EPN2: variants seen among roughly 807,000 people sequenced by gnomAD.
EPN2 encodes epsin 2, also known as epsin-2.
EPN2 carries 34 observed loss-of-function variants against 61.7 expected under a neutral mutation model. That is an observed-to-expected ratio of 0.55 (90% CI 0.42 to 0.73). The LOEUF (loss-of-function observed/expected upper bound fraction) is 0.73. Among genes scored for constraint, EPN2 ranks in the 30% least tolerant of loss-of-function variants. EPN2 has a pLI of 0.00. For missense variants in EPN2, 714 were observed against 839.2 expected, an observed-to-expected ratio of 0.85 and a Z score of 1.84; for synonymous variants, 349 against 353.6, an observed-to-expected ratio of 0.99 and a Z score of 0.15.
At chr17:19,242,771 A>G (rs1465992561) in intron 1 of EPN2, among the ~76,000 whole-genome samples, 1 of 152,242 alleles carries the variant, frequency 6.6e-6, no homozygotes, top group African/African-American at 2.4e-5. Flanking sequence ...GAACAGGGAA[A>G]AGTAGGCTCA....
chr17:19,291,437 T>A (rs2045463940), intron 4 of EPN2, among the ~76,000 whole-genome samples: 1 of 141,900 alleles, frequency 7.0e-6, no homozygotes, highest in African/African-American at 2.6e-5. Flanking sequence ...ATTTTTTTTT[T>A]TTTTTTTTTT....
intron 7 of EPN2, among the ~76,000 whole-genome samples, chr17:19,317,971 G>A (rs542368855): frequency 6.6e-6 from 1 of 152,342 alleles, no homozygotes; most frequent in African/African-American, 2.4e-5. Flanking sequence ...CCCGCACACA[G>A]CAAAGAAGGA....
intron 4 of EPN2, among the ~76,000 whole-genome samples, chr17:19,305,000 C>T (rs1258595889): frequency 6.6e-5 from 10 of 152,236 alleles, no homozygotes; most frequent in Non-Finnish European, 1.5e-5. Context: ...CCTCACCCTG[C>T]CTTCTCCACA....
intron 7 of EPN2, among the ~76,000 whole-genome samples, chr17:19,326,425 G>A (rs552988876): frequency 6.6e-6 from 1 of 152,218 alleles, no homozygotes; most frequent in East Asian, 1.9e-4. Flanking sequence ...GGTGGCTCAC[G>A]CCTGTAATCC....
rs374260595 is a variant in EPN2 at position 19,247,406 on chromosome 17, A to G, written c.-294+9875A>G. On this transcript the variant is annotated intron_variant, in intron 1 of 10. Transcript: ENST00000314728. Reference sequence around the variant, plus strand: ...ATTTTGATTCTTTGTCAGGGGGTCAAGAATGGAGAAAAAATTTAGAAGTCA... The same window carrying G: ...ATTTTGATTCTTTGTCAGGGGGTCAGGAATGGAGAAAAAATTTAGAAGTCA... 1.3e-3 allele frequency among the ~76,000 whole-genome samples: 200 copies of G among 152,366 alleles called. 3 individuals carry two copies. The South Asian group carries it at 0.04, about 31-fold the overall frequency.
At chr17:19,264,418 A>C (rs1244255029) in intron 1 of EPN2, among the ~76,000 whole-genome samples, 1 of 152,180 alleles carries the variant, frequency 6.6e-6, no homozygotes, top group East Asian at 1.9e-4. Flanking sequence ...CGTCAAAAGC[A>C]TGTGAGGCAT....
chr17:19,306,978 G>A (rs1475508421), intron 4 of EPN2, among the ~76,000 whole-genome samples: 1 of 152,118 alleles, frequency 6.6e-6, no homozygotes, highest in Non-Finnish European at 1.5e-5. Context: ...GGGTGTGAGT[G>A]CCCTGTTCAC....
Position 19,310,571 on chromosome 17 carries a change from C to CTTTTTTTTTTTTTTTTTTTTT in EPN2, c.879+578_879+598dup, listed in dbSNP as rs71155391. 4.9e-5 allele frequency among the ~76,000 whole-genome samples: 4 copies of CTTTTTTTTTTTTTTTTTTTTT among 80,912 alleles called. 1 individual carries two copies. Among genetic ancestry groups the CTTTTTTTTTTTTTTTTTTTTT allele is most frequent in the Admixed American group, 1.9e-4 (1 of 5,290 alleles). The allele number at this position is 80,912 out of a possible 152,430, so 53.1% of individuals were successfully genotyped here. ...TTTCTTTCTCTCTTTCTCCTTCTTT[C>CTTTTTTTTTTTTTTTTTTTTT]TTTTTTTTTTTTTTTTTTTTTTTTG... is the stretch of plus-strand genomic sequence containing the variant. On this transcript the variant is annotated intron_variant, in intron 5 of 10. Transcript: ENST00000314728.
At chr17:19,318,431 C>A (rs1481775960) in intron 7 of EPN2, among the ~76,000 whole-genome samples, 1 of 151,284 alleles carries the variant, frequency 6.6e-6, no homozygotes, top group Non-Finnish European at 1.5e-5. Flanking sequence ...CACTTGTAAT[C>A]CCAGCTACTT....
At chr17:19,286,105 C>T (rs1258422110) in intron 4 of EPN2, among the ~76,000 whole-genome samples, 1 of 152,242 alleles carries the variant, frequency 6.6e-6, no homozygotes, top group African/African-American at 2.4e-5. Context: ...GGAGGGGGCT[C>T]TGCCACCTAT....
intron 4 of EPN2, chr17:19,305,793 T>C (rs1905812387): frequency 6.6e-6 from 1 of 152,178 alleles, no homozygotes; most frequent in South Asian, 2.1e-4. Flanking sequence ...CTTGTCTGCC[T>C]GAGTTGGGAG....
intron 1 of EPN2, among the ~76,000 whole-genome samples, chr17:19,269,332 C>T (rs1157690001): frequency 6.6e-6 from 1 of 152,120 alleles, no homozygotes; most frequent in Non-Finnish European, 1.5e-5. Context: ...TATTTTTACT[C>T]TGCACCAAAA....
intron 3 of EPN2, among the ~76,000 whole-genome samples, chr17:19,284,936 TTG>T (rs1180177425): frequency 3.3e-5 from 5 of 152,240 alleles, no homozygotes; most frequent in African/African-American, 1.2e-4. Context: ...TAAGCAAAGG[TTG>T]TGACCTTGGT....
At chr17:19,315,795 A>G (rs920693676) in intron 7 of EPN2, among the ~76,000 whole-genome samples, 16 of 152,210 alleles carry the variant, frequency 1.1e-4, no homozygotes, top group Admixed American at 1.3e-4. Context: ...CATTTCAACC[A>G]TTTTAAAGCG....
At chr17:19,272,964 C>T (rs1429970371) in intron 1 of EPN2, among the ~76,000 whole-genome samples, 1 of 152,216 alleles carries the variant, frequency 6.6e-6, no homozygotes, top group Non-Finnish European at 1.5e-5. Flanking sequence ...TATTCTACAC[C>T]CACAGGCTGC....
rs1334885888 is a variant in EPN2, at chr17:19,336,089, G to C, written c.*1835G>C. Reference sequence around the variant, plus strand: ...CTGGGACATGCAGGCTCTGAGTGGGGACTGCACCCACTCATGCTGTTCCTG... The same window carrying C: ...CTGGGACATGCAGGCTCTGAGTGGGCACTGCACCCACTCATGCTGTTCCTG... On this transcript the variant is annotated 3_prime_UTR_variant, in exon 11 of 11. Transcript: ENST00000314728. 2.0e-5 allele frequency: 3 copies of C among 152,274 alleles called. No individual in the cohort carries two copies. Among genetic ancestry groups the C allele is most frequent in the Admixed American group, 6.5e-5 (1 of 15,274 alleles). The allele number at this position is 152,274 out of a possible 1,614,324, so 9.4% of individuals were successfully genotyped here. A position where few individuals can be genotyped will look rare whatever the true frequency, so the allele number is the denominator to read the frequency against.
intron 4 of EPN2, among the ~76,000 whole-genome samples, chr17:19,305,281 C>A (rs1361931269): frequency 6.6e-6 from 1 of 152,046 alleles, no homozygotes; most frequent in African/African-American, 2.4e-5. Context: ...GCCACCACAC[C>A]CAGCTAAATT....
At chr17:19,304,940 T>C (rs1905755772) in intron 4 of EPN2, among the ~76,000 whole-genome samples, 1 of 152,178 alleles carries the variant, frequency 6.6e-6, no homozygotes, top group South Asian at 2.1e-4. Flanking sequence ...CAGACATGCC[T>C]GTGTACCCAG....
intron 4 of EPN2, among the ~76,000 whole-genome samples, chr17:19,292,671 G>C (rs948012229): frequency 6.6e-6 from 1 of 152,256 alleles, no homozygotes; most frequent in African/African-American, 2.4e-5. Flanking sequence ...ACAAGGGCTT[G>C]GGTTTTAAGT....
Sources: allele counts gnomAD v4.1 joint callset (sites outside exome capture counted in the v4.1 genomes callset), GRCh38; gene constraint gnomAD v4.1.1; transcripts MANE v1.5; gene names NCBI Gene and HGNC (gene_info 2026-07-23, HGNC 2026-07-21).